SHROOM3: variants seen among roughly 807,000 people sequenced by gnomAD.
SHROOM3 encodes shroom family member 3, also known as protein Shroom3.
Under a neutral mutation model 138.6 loss-of-function variants are expected in SHROOM3, and 47 were observed. The ratio of observed to expected loss-of-function variants is 0.34; its 90% CI spans 0.27 to 0.43. The LOEUF is 0.43. SHROOM3 is among the 20% of genes least tolerant of loss of function. The pLI is 1.00. For synonymous variants in SHROOM3, 1,062 were observed against 1,063.3 expected (o/e 1.00, Z 0.02); for missense variants, 2,491 against 2,596.5 (o/e 0.96, Z 0.88).
chr4:76,457,054 TCTTCAGGTA>T (rs1277631176), intron 1 of SHROOM3, among the ~76,000 whole-genome samples: 2 of 152,186 alleles, frequency 1.3e-5, no homozygotes, highest in African/African-American at 4.8e-5. Flanking sequence ...CTTTTGTGGA[TCTTCAGGTA>T]CTTCAGGCCA....
In SHROOM3 at chr4:76,693,366, G is replaced by GTTTTTTTTTTTTTTTTTTT. The variant is rs1429298697; in HGVS notation, c.324-16787_324-16786insTTTTTTTTTTTTTTTTTTT. ...ACTATGCATACCTTCATTTTGATAA[G>GTTTTTTTTTTTTTTTTTTT]TTTGTTTTTTTTTTTTTTTTTTTTT... is the stretch of plus-strand genomic sequence containing the variant. On this transcript the variant is annotated intron_variant, in intron 2 of 10. Transcript: ENST00000296043. Among the ~76,000 whole-genome samples the GTTTTTTTTTTTTTTTTTTT allele has an allele frequency of 1.7e-4, 10 of 60,100 alleles. 1 individual carries two copies. The highest frequency in any genetic ancestry group is 7.1e-4 in the African/African-American group (10 of 14,068). The allele number at this position is 60,100 out of a possible 152,430, so 39.4% of individuals were successfully genotyped here.
intron 2 of SHROOM3, among the ~76,000 whole-genome samples, chr4:76,660,609 G>C (rs898358911): frequency 2.0e-5 from 3 of 152,004 alleles, no homozygotes; most frequent in Non-Finnish European, 2.9e-5. Context: ...CTGAGTAGCT[G>C]GGATTACAGG....
At chr4:76,467,189 C>T (rs2109979406) in intron 1 of SHROOM3, among the ~76,000 whole-genome samples, 1 of 152,082 alleles carries the variant, frequency 6.6e-6, no homozygotes, top group East Asian at 1.9e-4. Flanking sequence ...ATTTCAGGTA[C>T]ATGTTATCAG....
chr4:76,647,988 A>G (rs557168817), intron 2 of SHROOM3, among the ~76,000 whole-genome samples: 2 of 152,266 alleles, frequency 1.3e-5, no homozygotes, highest in African/African-American at 4.8e-5. Flanking sequence ...AGTTTTTATA[A>G]TAATATTTAT....
chr4:76,533,624 T>A lies in SHROOM3; in HGVS notation c.169-21985T>A, dbSNP rs568629625. Among the ~76,000 whole-genome samples the A allele has an allele frequency of 2.6e-5, 4 of 152,308 alleles. No homozygotes were observed. In the East Asian group the frequency reaches 5.8e-4, roughly 22 times the overall value. ...GGGAAAGCAGAGAATGAACTTACAA[T>A]GAGTGCAGGATGTTTGAAAGCAATA... is the stretch of plus-strand genomic sequence containing the variant. On this transcript the variant is annotated intron_variant, in intron 1 of 10. Coordinates refer to ENST00000296043, the MANE Select transcript of SHROOM3 (RefSeq NM_020859.4).
At chr4:76,440,648 A>T (rs1008890345) in intron 1 of SHROOM3, among the ~76,000 whole-genome samples, 1 of 152,116 alleles carries the variant, frequency 6.6e-6, no homozygotes, top group Non-Finnish European at 1.5e-5. Context: ...CCACCTGTAG[A>T]GGCATTTCTT....
intron 4 of SHROOM3, among the ~76,000 whole-genome samples, chr4:76,738,164 C>G (rs1158531446): frequency 6.6e-6 from 1 of 152,142 alleles, no homozygotes; most frequent in Non-Finnish European, 1.5e-5. Flanking sequence ...CTTTTTCTGA[C>G]TCTAATTTCT....
At chr4:76,767,575 G>A (rs1455522252) in intron 9 of SHROOM3, among the ~76,000 whole-genome samples, 1 of 152,110 alleles carries the variant, frequency 6.6e-6, no homozygotes, top group Admixed American at 6.5e-5. Flanking sequence ...TACTCGGGAG[G>A]CTGAGGCAGG....
chr4:76,623,514 C>G (rs147077503), intron 2 of SHROOM3, among the ~76,000 whole-genome samples: 9 of 152,354 alleles, frequency 5.9e-5, no homozygotes, highest in Non-Finnish European at 1.2e-4. Flanking sequence ...CCTCCATTTA[C>G]TACATAGGCC....
intron 2 of SHROOM3, among the ~76,000 whole-genome samples, chr4:76,633,700 C>G (rs536833313): frequency 1.1e-4 from 17 of 151,118 alleles, no homozygotes; most frequent in African/African-American, 3.9e-4. Flanking sequence ...CTGCAACACA[C>G]CTTGTACTTG....
chr4:76,739,559 G>A lies in SHROOM3; in HGVS notation c.1386G>A (p.Leu462=). The A allele has an allele frequency of 6.2e-7, 1 of 1,614,202 alleles. No homozygotes were observed. The highest frequency in any genetic ancestry group is 1.3e-5 in the African/African-American group (1 of 75,062). Residue 462 remains leucine, a synonymous_variant, in exon 5 of 11, where the codon CTG becomes CTA. Coordinates refer to ENST00000296043, the MANE Select transcript of SHROOM3 (RefSeq NM_020859.4). Reference sequence around the variant, plus strand: ...AGAAGGCCCAACCTGGCCAACCTCTGCTGCCGACCAGCATCTACCCGGTAC... The same window carrying A: ...AGAAGGCCCAACCTGGCCAACCTCTACTGCCGACCAGCATCTACCCGGTAC... ...YTQKAQPGQP[L]LPTSIYPVPS... is the part of the protein sequence containing the mutation.
At chr4:76,653,375 G>A (rs1012406723) in intron 2 of SHROOM3, among the ~76,000 whole-genome samples, 9 of 151,730 alleles carry the variant, frequency 5.9e-5, no homozygotes, top group Non-Finnish European at 2.9e-5. Flanking sequence ...AATGGTAGAA[G>A]CATAGCACCT....
chr4:76,567,394 T>TA (rs1391397725), intron 2 of SHROOM3, among the ~76,000 whole-genome samples: 1 of 152,176 alleles, frequency 6.6e-6, no homozygotes, highest in Non-Finnish European at 1.5e-5. Flanking sequence ...CTCATGCCTG[T>TA]AATCCCAGCA....
chr4:76,614,215 C>T (rs569418795), intron 2 of SHROOM3, among the ~76,000 whole-genome samples: 4 of 152,024 alleles, frequency 2.6e-5, no homozygotes, highest in African/African-American at 4.8e-5. Context: ...CCACCATGCC[C>T]GGCTAATTTT....
intron 2 of SHROOM3, among the ~76,000 whole-genome samples, chr4:76,600,213 A>T (rs1158507947): frequency 6.6e-6 from 1 of 152,184 alleles, no homozygotes; most frequent in Non-Finnish European, 1.5e-5. Flanking sequence ...GCAGCCTTTG[A>T]TTATTCCTTG....
chr4:76,572,724 T>C (rs1202628265), intron 2 of SHROOM3, among the ~76,000 whole-genome samples: 1 of 152,194 alleles, frequency 6.6e-6, no homozygotes, highest in East Asian at 1.9e-4. Flanking sequence ...TGCCCCTTTA[T>C]GGTTTGTGGG....
At chr4:76,670,314 T>G (rs1718841806) in intron 2 of SHROOM3, among the ~76,000 whole-genome samples, 1 of 152,156 alleles carries the variant, frequency 6.6e-6, no homozygotes, top group Non-Finnish European at 1.5e-5. Flanking sequence ...TCAAAAACAT[T>G]ATGCTAAGTA....
Position 76,740,063 on chromosome 4 carries a change from C to A in SHROOM3, c.1890C>A (p.Phe630Leu), listed in dbSNP as rs755327502. 4.3e-6 allele frequency: 7 copies of A among 1,613,794 alleles called. No individual in the cohort carries two copies. In the East Asian group the frequency reaches 1.1e-4, roughly 26 times the overall value. ...SRLSEPWEGDFQEDHNANLWR... is the reference protein window; with the variant it reads ...SRLSEPWEGDLQEDHNANLWR... The stretch of plus-strand genomic sequence containing the variant: ...TCTCAGAGCCCTGGGAGGGCGATTT[C>A]CAGGAAGACCACAATGCCAACCTCT... The change falls in exon 5 of 11, where the codon TTC becomes TTA. Residue 630 changes from phenylalanine (F) to leucine (L), a missense_variant. Phe to Leu is a conservative substitution (Grantham distance 22). Around this residue, in one of 4 missense-constraint regions of SHROOM3, gnomAD observed 1,733 missense variants for 1,661.6 expected, o/e 1.04. Coordinates refer to ENST00000296043, the MANE Select transcript of SHROOM3 (RefSeq NM_020859.4). The surrounding 1 kb of genome is among the most constrained non-coding windows in gnomAD (Gnocchi z 4.0).
At position 76,739,517 on chromosome 4, in the gene SHROOM3, C is replaced by G. The variant is rs1466549880; in HGVS notation, c.1344C>G (p.Pro448=). The G allele has an allele frequency of 6.2e-7, 1 of 1,614,068 alleles. No homozygotes were observed. The highest frequency in any genetic ancestry group is 1.1e-5 in the South Asian group (1 of 91,074). ...CAGAGAACAGCCCCCCAGTGAAGCCCAAGCATAACTATACCCAGAAGGCCC... is the reference window on the plus strand; with the variant it reads ...CAGAGAACAGCCCCCCAGTGAAGCCGAAGCATAACTATACCCAGAAGGCCC... The part of the protein sequence containing the change: ...KSPENSPPVK[P]KHNYTQKAQP... The change falls in exon 5 of 11, where the codon CCC becomes CCG. Residue 448 remains proline (P), a synonymous_variant. Coordinates refer to ENST00000296043, the MANE Select transcript of SHROOM3 (RefSeq NM_020859.4).
Sources: gnomAD v4.1 joint callset for allele counts (sites outside exome capture counted in the v4.1 genomes callset) on GRCh38, gnomAD v4.1.1 for gene constraint, gnomAD v4.1.1 regional missense constraint, Gnocchi (gnomAD v3.1) non-coding constraint, MANE v1.5 for transcripts, NCBI Gene and HGNC (gene_info 2026-07-23, HGNC 2026-07-21) for gene names.